Variants in CFAP52 observed in about 807,000 individuals in gnomAD.
The protein encoded by CFAP52 is cilia- and flagella-associated protein 52.
Under a neutral mutation model 70.5 loss-of-function variants are expected in CFAP52, and 57 were observed. The observed-to-expected ratio is 0.81, with a 90% CI of 0.65 to 1.01. The LOEUF (loss-of-function observed/expected upper bound fraction) is 1.01, where lower values mean the gene tolerates loss of function less well. Among genes scored for constraint, CFAP52 ranks in the 50% least tolerant of loss-of-function variants. The pLI is 0.00. For synonymous variants in CFAP52, 267 were observed against 292.5 expected (o/e 0.91, Z 0.89); for missense variants, 785 against 788.5 (o/e 1.00, Z 0.05).
At chr17:9,634,143 C>T (rs1357499957) in intron 10 of CFAP52, among the ~76,000 whole-genome samples, 1 of 152,206 alleles carries the variant, frequency 6.6e-6, no homozygotes, top group Non-Finnish European at 1.5e-5. Flanking sequence ...GTTCTCTCCT[C>T]CTCTGTGCCC....
chr17:9,626,941 G>A (rs980202130), intron 8 of CFAP52, among the ~76,000 whole-genome samples: 1 of 152,120 alleles, frequency 6.6e-6, no homozygotes, highest in Non-Finnish European at 1.5e-5. Flanking sequence ...TGCTTGAGAT[G>A]TACTGAAATC....
chr17:9,609,565 A>C (rs1909638604), intron 7 of CFAP52, among the ~76,000 whole-genome samples: 1 of 152,110 alleles, frequency 6.6e-6, no homozygotes. Context: ...ATGTGGTGGC[A>C]CATACCTGTA....
chr17:9,584,774 A>G, intron 1 of CFAP52, among the ~76,000 whole-genome samples: 1 of 151,998 alleles, frequency 6.6e-6, no homozygotes, highest in East Asian at 1.9e-4. Context: ...GGTGCCCACC[A>G]CCAAGCCCAG....
At chr17:9,604,865 G>A (rs1272905407) in intron 6 of CFAP52, among the ~76,000 whole-genome samples, 4 of 152,012 alleles carry the variant, frequency 2.6e-5, no homozygotes, top group South Asian at 2.1e-4. Flanking sequence ...TATATCAGCC[G>A]GGAAATGTAA....
chr17:9,585,167 G>C (rs1567619637), intron 1 of CFAP52, among the ~76,000 whole-genome samples: 1 of 152,082 alleles, frequency 6.6e-6, no homozygotes, highest in Admixed American at 6.6e-5. Context: ...GGACTTGCTG[G>C]ACCAGCATCA....
intron 8 of CFAP52, among the ~76,000 whole-genome samples, chr17:9,616,089 G>A (rs1182106590): frequency 3.2e-4 from 48 of 150,914 alleles, no homozygotes; most frequent in Admixed American, 5.9e-4. Context: ...CTGAGGTACC[G>A]GGTTCATCTC....
intron 11 of CFAP52, among the ~76,000 whole-genome samples, 179 bp downstream of exon 11, chr17:9,635,735 G>A (rs73975762): frequency 0.016 from 2,420 of 152,318 alleles, 78 homozygotes; most frequent in African/African-American, 0.055. Context: ...TGCTAGTGGG[G>A]AGGGTTACAA....
At chr17:9,605,345 G>A (rs2151938886) in intron 6 of CFAP52, among the ~76,000 whole-genome samples, 1 of 152,308 alleles carries the variant, frequency 6.6e-6, no homozygotes, top group Admixed American at 6.5e-5. Flanking sequence ...AGTGGAAGAT[G>A]CCAGTCTGAA....
chr17:9,588,772 G>T (rs946023001), intron 3 of CFAP52, among the ~76,000 whole-genome samples: 1 of 82,060 alleles, frequency 1.2e-5, no homozygotes, highest in Non-Finnish European at 2.2e-5. Context: ...CCACAGAAAA[G>T]AATTTTTTTT....
chr17:9,586,487 C>A (rs1047147174), intron 2 of CFAP52, among the ~76,000 whole-genome samples: 4 of 151,598 alleles, frequency 2.6e-5, no homozygotes, highest in African/African-American at 9.7e-5. Flanking sequence ...GTGCTTGAAC[C>A]CAGGAGGTGG....
chr17:9,602,863 C>T (rs988270742), intron 6 of CFAP52, among the ~76,000 whole-genome samples: 1 of 152,190 alleles, frequency 6.6e-6, no homozygotes, highest in Non-Finnish European at 1.5e-5. Context: ...TCTCTAATGA[C>T]CAGTAATAAT....
At chr17:9,640,565 G>A (rs894701641) in intron 12 of CFAP52, among the ~76,000 whole-genome samples, 7 of 152,096 alleles carry the variant, frequency 4.6e-5, no homozygotes, top group Non-Finnish European at 1.0e-4. Flanking sequence ...TCCCGGCAAA[G>A]GACATGATCT....
intron 5 of CFAP52, among the ~76,000 whole-genome samples, chr17:9,599,662 G>T (rs1231578569): frequency 2.0e-5 from 3 of 152,110 alleles, no homozygotes; most frequent in African/African-American, 7.2e-5. Flanking sequence ...TCTTCATGGG[G>T]TGCCAGAGGA....
chr17:9,608,291 C>A, intron 7 of CFAP52, 72 bp downstream of exon 7: 1 of 1,252,384 alleles, frequency 8.0e-7, no homozygotes, highest in Non-Finnish European at 1.1e-6. Flanking sequence ...AAGCCAGCAA[C>A]TCGATGATAT....
In CFAP52 at chr17:9,585,965, G is replaced by T. The variant is rs1181148849; in HGVS notation, c.263G>T (p.Gly88Val). 1.9e-6 allele frequency: 3 copies of T among 1,613,610 alleles called. No homozygotes were observed. Among genetic ancestry groups the T allele is most frequent in the South Asian group, 1.1e-5 (1 of 91,058 alleles). Residue 88 changes from glycine to valine, a missense_variant, in exon 2 of 14, where the codon GGG becomes GTG. Physicochemically the swap from Gly to Val is moderately radical, Grantham distance 109. Coordinates refer to ENST00000352665, the MANE Select transcript of CFAP52 (RefSeq NM_145054.5). ...GCCTCCGGACAAGTCACATTCATGGGGTTCAAGGTGAATACAGTGAAAACG... is the reference window on the plus strand; with the variant it reads ...GCCTCCGGACAAGTCACATTCATGGTGTTCAAGGTGAATACAGTGAAAACG... ...YIASGQVTFM[G>V]FKADIILWDY...
intron 1 of CFAP52, among the ~76,000 whole-genome samples, chr17:9,581,838 C>T (rs951398380): frequency 2.6e-5 from 4 of 152,196 alleles, no homozygotes; most frequent in Non-Finnish European, 5.9e-5. Flanking sequence ...GCCAATCAGA[C>T]ATTCCCACTC....
chr17:9,631,072 A>AAGAAAGAAAGAAAGAG (rs1910510686), intron 9 of CFAP52, among the ~76,000 whole-genome samples: 1 of 120,098 alleles, frequency 8.3e-6, no homozygotes, highest in Admixed American at 8.1e-5. Context: ...GAAAGAAAGA[A>AAGAAAGAAAGAAAGAG]AGAAAGAAAG....
chr17:9,628,361 C>A (rs1360648123), intron 8 of CFAP52, among the ~76,000 whole-genome samples: 1 of 151,292 alleles, frequency 6.6e-6, no homozygotes, highest in African/African-American at 2.4e-5. Context: ...CTCATTGCAA[C>A]CTTTGCCTTC....
chr17:9,597,328 G>A (rs1243828888), intron 4 of CFAP52, among the ~76,000 whole-genome samples: 1 of 152,082 alleles, frequency 6.6e-6, no homozygotes, highest in East Asian at 1.9e-4. Context: ...AGTATAGTTC[G>A]TAATATATTG....
Sources: allele counts gnomAD v4.1 joint callset (sites outside exome capture counted in the v4.1 genomes callset), GRCh38; gene constraint gnomAD v4.1.1; transcripts MANE v1.5; gene names NCBI Gene and HGNC (gene_info 2026-07-23, HGNC 2026-07-21).